Variants in LRRTM4 observed in about 807,000 individuals in gnomAD.
The protein encoded by LRRTM4 is leucine rich repeat transmembrane neuronal 4.
A neutral mutation model predicts 47.6 loss-of-function variants in LRRTM4; 25 were observed. The ratio of observed to expected loss-of-function variants is 0.53; its 90% confidence interval spans 0.38 to 0.73. The LOEUF (loss-of-function observed/expected upper bound fraction) is 0.73. Ranked by LOEUF, LRRTM4 falls within the 30% of genes least tolerant of loss-of-function variation. The pLI is 0.00. For synonymous variants in LRRTM4, 311 were observed against 269.5 expected (o/e 1.15, Z -1.51); for missense variants, 638 against 713.4 (o/e 0.89, Z 1.20).
Position 76,995,668 on chromosome 2 carries a change from T to G in LRRTM4, c.1552-246752A>C, listed in dbSNP as rs1446726. 7.4e-3 allele frequency among the ~76,000 whole-genome samples: 1,124 copies of G among 152,108 alleles called. 3 individuals are homozygous for G. The highest frequency in any genetic ancestry group is 0.012 in the Non-Finnish European group (841 of 67,978). The stretch of plus-strand genomic sequence containing the variant: ...TGCTACCTAGGAAAGCTGGAGGGAA[T>G]AGAGATGTCCACACAACTGGGACCA... On this transcript the variant is annotated intron_variant, in intron 3 of 3. Transcript: ENST00000409884.
chr2:76,870,002 T>G (rs2104047795), intron 3 of LRRTM4, among the ~76,000 whole-genome samples: 1 of 152,234 alleles, frequency 6.6e-6, no homozygotes, highest in African/African-American at 2.4e-5. Flanking sequence ...AAAGAGAGAC[T>G]TAGGGAGGCA....
At chr2:76,801,396 C>G (rs1675671850) in intron 3 of LRRTM4, among the ~76,000 whole-genome samples, 1 of 152,014 alleles carries the variant, frequency 6.6e-6, no homozygotes, top group South Asian at 2.1e-4. Context: ...TCATCATTCT[C>G]AGTAAACTAT....
intron 3 of LRRTM4, among the ~76,000 whole-genome samples, chr2:76,946,380 A>G (rs1031321018): frequency 1.3e-4 from 20 of 151,884 alleles, no homozygotes; most frequent in African/African-American, 4.8e-4. Flanking sequence ...CACGATTTTT[A>G]TAACTATAGT....
intron 3 of LRRTM4, among the ~76,000 whole-genome samples, chr2:77,366,706 C>T (rs1672475229): frequency 2.6e-5 from 4 of 151,862 alleles, no homozygotes; most frequent in Admixed American, 2.6e-4. Context: ...CAGTTAGACA[C>T]AGAAAAGTGA....
chr2:77,443,335 T>G (rs1023339992), intron 3 of LRRTM4, among the ~76,000 whole-genome samples: 1 of 152,132 alleles, frequency 6.6e-6, no homozygotes, highest in Non-Finnish European at 1.5e-5. Context: ...TGCATATTCA[T>G]TACTTAGATG....
At chr2:77,481,990 CA>C (rs1167221026) in intron 3 of LRRTM4, among the ~76,000 whole-genome samples, 1 of 151,530 alleles carries the variant, frequency 6.6e-6, no homozygotes, top group Non-Finnish European at 1.5e-5. Flanking sequence ...GCAATTTTTA[CA>C]ACCTAAAATT....
At chr2:76,966,410 T>C (rs1158127260) in intron 3 of LRRTM4, among the ~76,000 whole-genome samples, 2 of 151,400 alleles carry the variant, frequency 1.3e-5, no homozygotes, top group East Asian at 3.9e-4. Context: ...TTGTGTGTTT[T>C]TGCTCTAGAC....
intron 3 of LRRTM4, among the ~76,000 whole-genome samples, chr2:77,363,963 C>T (rs1672338470): frequency 6.6e-6 from 1 of 151,990 alleles, no homozygotes; most frequent in African/African-American, 2.4e-5. Context: ...TATAATTCCC[C>T]ATATGATTGA....
intron 3 of LRRTM4, among the ~76,000 whole-genome samples, chr2:76,909,188 T>C (rs1047003204): frequency 5.3e-5 from 8 of 152,212 alleles, no homozygotes; most frequent in East Asian, 1.9e-4. Context: ...GAAATAATGC[T>C]GCTTATCTAC....
In LRRTM4 at chr2:76,915,537, C is replaced by T. The variant is rs547170391; in HGVS notation, c.1552-166621G>A. Among the ~76,000 whole-genome samples, 39 of 152,226 alleles carry T rather than the reference C, an allele frequency of 2.6e-4. No individual in the cohort carries two copies. The East Asian group carries it at 7.3e-3, about 29-fold the overall frequency. On this transcript the variant is annotated intron_variant, in intron 3 of 3. Coordinates refer to ENST00000409884, the MANE Select transcript of LRRTM4 (RefSeq NM_001134745.3). The stretch of plus-strand genomic sequence containing the variant: ...ATGGTTAAATTGAATGTTCTTGGAC[C>T]TACCCGATGTTCTGGGTTCTACCTT...
At chr2:76,782,846 AG>A (rs1389010414) in intron 3 of LRRTM4, among the ~76,000 whole-genome samples, 6 of 152,340 alleles carry the variant, frequency 3.9e-5, no homozygotes, top group Admixed American at 3.9e-4. Context: ...ATTTTAAATT[AG>A]TTACGTATTT....
intron 3 of LRRTM4, among the ~76,000 whole-genome samples, chr2:76,953,986 T>C (rs138332086): frequency 6.6e-6 from 1 of 151,786 alleles, no homozygotes; most frequent in Non-Finnish European, 1.5e-5. Flanking sequence ...GACAAGCCTC[T>C]TCAACAGAGA....
At chr2:76,772,824 A>T (rs1673770106) in intron 3 of LRRTM4, 2 of 152,136 alleles carry the variant, frequency 1.3e-5, no homozygotes, top group South Asian at 2.1e-4. Context: ...TATTGTTGTT[A>T]ATCTCTTATT....
chr2:77,031,773 T>C (rs747814613), intron 3 of LRRTM4, among the ~76,000 whole-genome samples: 6 of 152,124 alleles, frequency 3.9e-5, no homozygotes, highest in African/African-American at 1.4e-4. Flanking sequence ...GCGCGCACAA[T>C]ATGTGCATGT....
chr2:76,941,756 A>G (rs1675150909), intron 3 of LRRTM4, among the ~76,000 whole-genome samples: 1 of 152,168 alleles, frequency 6.6e-6, no homozygotes, highest in Admixed American at 6.6e-5. Flanking sequence ...TATTGTGAAT[A>G]ATGCTGCAAT....
At chr2:77,109,590 A>G (rs939041650) in intron 3 of LRRTM4, among the ~76,000 whole-genome samples, 1 of 152,164 alleles carries the variant, frequency 6.6e-6, no homozygotes, top group African/African-American at 2.4e-5. Context: ...TTTGTGTGGG[A>G]GACACATTCT....
At chr2:77,334,697 A>G (rs1348386016) in intron 3 of LRRTM4, among the ~76,000 whole-genome samples, 2 of 152,176 alleles carry the variant, frequency 1.3e-5, no homozygotes, top group Non-Finnish European at 2.9e-5. Flanking sequence ...AAAATGGACT[A>G]ATACAAATAC....
chr2:76,844,972 C>T (rs938693839), intron 3 of LRRTM4, among the ~76,000 whole-genome samples: 1 of 152,010 alleles, frequency 6.6e-6, no homozygotes, highest in African/African-American at 2.4e-5. Flanking sequence ...ACAAGTATGG[C>T]AGGATTGCAA....
chr2:77,217,407 T>C (rs1020619455), intron 3 of LRRTM4, among the ~76,000 whole-genome samples: 1 of 121,528 alleles, frequency 8.2e-6, no homozygotes, highest in African/African-American at 3.3e-5. Context: ...TATTAATTAA[T>C]TAATTAATGA....
Sources: gnomAD v4.1 joint callset for allele counts (sites outside exome capture counted in the v4.1 genomes callset) on GRCh38, gnomAD v4.1.1 for gene constraint, MANE v1.5 for transcripts, NCBI Gene and HGNC (gene_info 2026-07-23, HGNC 2026-07-21) for gene names.